R3HDM2: variants seen among roughly 807,000 people sequenced by gnomAD.
R3HDM2 encodes R3H domain-containing protein 2.
R3HDM2 carries 38 observed loss-of-function variants against 124.5 expected under a neutral mutation model. That is an observed-to-expected ratio of 0.31 (90% CI 0.24 to 0.40). The LOEUF (loss-of-function observed/expected upper bound fraction) is 0.40, where lower values mean the gene tolerates loss of function less well. Among genes scored for constraint, R3HDM2 ranks in the 10% least tolerant of loss-of-function variants. The probability of loss-of-function intolerance (pLI) is 1.00; values close to 1 mark genes in which losing one functional copy is unlikely to be tolerated. For missense variants in R3HDM2, 869 were observed against 1,236.9 expected (o/e 0.70, Z 4.46); for synonymous variants, 391 against 448.0 (o/e 0.87, Z 1.61).
chr12:57,274,285 C>T (rs1474738536), intron 14 of R3HDM2, among the ~76,000 whole-genome samples: 1 of 152,088 alleles, frequency 6.6e-6, no homozygotes, highest in Non-Finnish European at 1.5e-5. Flanking sequence ...ACCAGCCTGC[C>T]CAACACGGTG....
intron 2 of R3HDM2, among the ~76,000 whole-genome samples, chr12:57,316,668 C>G (rs1409505535): frequency 6.7e-6 from 1 of 149,848 alleles, no homozygotes; most frequent in Non-Finnish European, 1.5e-5. Flanking sequence ...TTACTGCAAC[C>G]TCCACCTCCC....
chr12:57,350,125 G>A (rs997850930), intron 2 of R3HDM2, among the ~76,000 whole-genome samples: 11 of 152,000 alleles, frequency 7.2e-5, no homozygotes, highest in African/African-American at 2.2e-4. Flanking sequence ...CAGGAGAATC[G>A]CTTGAACCCG....
intron 1 of R3HDM2, among the ~76,000 whole-genome samples, chr12:57,419,510 T>C (rs1377258968): frequency 6.6e-6 from 1 of 151,564 alleles, no homozygotes; most frequent in Non-Finnish European, 1.5e-5. Flanking sequence ...GGTGCAATCA[T>C]AGCTCACTGC....
At chr12:57,417,403 G>C (rs1040310231) in intron 1 of R3HDM2, among the ~76,000 whole-genome samples, 16 of 150,008 alleles carry the variant, frequency 1.1e-4, no homozygotes, top group African/African-American at 3.7e-4. Context: ...AAAAAAAAGA[G>C]AGAGACTTCC....
chr12:57,296,432 T>C lies in R3HDM2; in HGVS notation c.680A>G (p.Asn227Ser). 1 of 1,552,362 alleles carries C rather than the reference T, an allele frequency of 6.4e-7. No individual in the cohort carries two copies. Among genetic ancestry groups the C allele is most frequent in the Non-Finnish European group, 8.7e-7 (1 of 1,147,138 alleles). Residue 227 changes from asparagine to serine, a missense_variant, in exon 9 of 24, where the codon AAC becomes AGC. Around this residue, in one of 2 missense-constraint regions of R3HDM2, gnomAD observed 267 missense variants for 447.7 expected, o/e 0.60. Transcript: ENST00000402412. The surrounding 1 kb of genome is among the most constrained non-coding windows in gnomAD (Gnocchi z 4.5). ...TTACATTCTTGTGTTACTAGTTTTGTTGATGATGACAGCTTTCCCAGTTTG... is the reference window on the plus strand; with the variant it reads ...TTACATTCTTGTGTTACTAGTTTTGCTGATGATGACAGCTTTCCCAGTTTG... ...VDQTGKAVII[N>S]KTSNTRIPEQ...
At position 57,295,527 on chromosome 12, in the gene R3HDM2, G is replaced by A; in HGVS notation, c.702-20C>T. ...TCAGGGCTGAGATTTGGAGAGAAAT[G>A]TGAAAGGAAAGGAGGACAAAGACCG... On this transcript the variant is annotated intron_variant, in intron 9 of 23. Transcript: ENST00000402412. The A allele has an allele frequency of 6.5e-7, 1 of 1,528,346 alleles. No individual in the cohort carries two copies. 94.7% of individuals were successfully genotyped at this position (1,528,346 alleles called of 1,614,324 possible). A position where few individuals can be genotyped will look rare whatever the true frequency, so the allele number is the denominator to read the frequency against.
rs1268703322 is a variant in R3HDM2 at position 57,258,074 on chromosome 12, C to G, written c.2365G>C (p.Val789Leu). 1 of 1,601,646 alleles carries G rather than the reference C, an allele frequency of 6.2e-7. No homozygotes were observed. The highest frequency in any genetic ancestry group is 1.3e-5 in the African/African-American group (1 of 74,858). Residue 789 changes from valine (V) to leucine (L), a missense_variant, in exon 21 of 24, where the codon GTC becomes CTC. Physicochemically the swap from Val to Leu is conservative, Grantham distance 32 (BLOSUM62 1). Coordinates refer to ENST00000402412, the MANE Select transcript of R3HDM2 (RefSeq NM_001394031.1). ...GTGCAGACACTGCTGAGGCTGGTGA[C>G]AGGAGAGGGTGCTGGAGACTGGGTA... Reference protein sequence around the residue: ...SPTQSPAPSPVTSLSSVCTGL... With the variant: ...SPTQSPAPSPLTSLSSVCTGL...
At chr12:57,257,238 G>A (rs551996342) in intron 21 of R3HDM2, among the ~76,000 whole-genome samples, 55 of 152,268 alleles carry the variant, frequency 3.6e-4, no homozygotes, top group African/African-American at 1.3e-3. Flanking sequence ...CAGACTGCCT[G>A]GGTTAAAATA....
intron 2 of R3HDM2, among the ~76,000 whole-genome samples, chr12:57,393,319 G>A (rs1364853446): frequency 2.0e-5 from 3 of 151,874 alleles, no homozygotes; most frequent in Non-Finnish European, 4.4e-5. Context: ...GGCCAGACTG[G>A]TCTAGAACTC....
At position 57,382,286 on chromosome 12, in the gene R3HDM2, GT is replaced by G. The variant is rs72329934; in HGVS notation, c.-36+13462del. The stretch of plus-strand genomic sequence containing the variant: ...CACACCAACACATCTGGCTAATTTG[GT>G]TTTTTTTTTTTGTAAAGTTTCACTA... On this transcript the variant is annotated intron_variant, in intron 2 of 23. Coordinates refer to ENST00000402412, the MANE Select transcript of R3HDM2 (RefSeq NM_001394031.1). Among the ~76,000 whole-genome samples, 177 of 142,968 alleles carry G rather than the reference GT, an allele frequency of 1.2e-3. 1 individual carries two copies. The highest frequency in any genetic ancestry group is 4.0e-3 in the African/African-American group (156 of 38,954). 93.8% of individuals were successfully genotyped at this position (142,968 alleles called of 152,430 possible). A position where few individuals can be genotyped will look rare whatever the true frequency, so the allele number is the denominator to read the frequency against.
chr12:57,424,441 C>T (rs553908503), intron 1 of R3HDM2, among the ~76,000 whole-genome samples: 14 of 151,904 alleles, frequency 9.2e-5, no homozygotes, highest in African/African-American at 3.1e-4. Context: ...GAATTACAGG[C>T]GTGAGCCACC....
chr12:57,374,805 A>G (rs2063825900), intron 2 of R3HDM2, among the ~76,000 whole-genome samples: 2 of 151,156 alleles, frequency 1.3e-5, no homozygotes, highest in African/African-American at 4.9e-5. Context: ...CATCCTGGCT[A>G]ACACGGTGAA....
intron 2 of R3HDM2, among the ~76,000 whole-genome samples, chr12:57,313,165 C>G (rs769990286): frequency 3.3e-5 from 5 of 152,084 alleles, no homozygotes; most frequent in Non-Finnish European, 5.9e-5. Context: ...TACCCACCCC[C>G]ACAATGGGTA....
intron 1 of R3HDM2, among the ~76,000 whole-genome samples, chr12:57,429,549 C>G (rs1869103808): frequency 6.6e-6 from 1 of 152,030 alleles, no homozygotes; most frequent in South Asian, 2.1e-4. Context: ...AAGGTGAAAC[C>G]CGTCTCTACA....
At chr12:57,307,602 T>C (rs1431651649) in intron 3 of R3HDM2, among the ~76,000 whole-genome samples, 1 of 146,846 alleles carries the variant, frequency 6.8e-6, no homozygotes, top group Non-Finnish European at 1.5e-5. Context: ...ATTATAGGCA[T>C]GAGCCACTGC....
intron 2 of R3HDM2, among the ~76,000 whole-genome samples, chr12:57,346,217 G>A (rs1172105911): frequency 6.7e-6 from 1 of 150,262 alleles, no homozygotes; most frequent in African/African-American, 2.5e-5. Context: ...AGCACTTTGG[G>A]AGGCCGAAGC....
intron 1 of R3HDM2, chr12:57,418,134 C>G: frequency 3.0e-6 from 3 of 983,858 alleles, no homozygotes; most frequent in Non-Finnish European, 3.6e-6. Flanking sequence ...CCCAAACCTA[C>G]CCTTTTCTTA....
chr12:57,393,356 G>T (rs1465397995), intron 2 of R3HDM2, among the ~76,000 whole-genome samples: 4 of 152,132 alleles, frequency 2.6e-5, no homozygotes, highest in East Asian at 3.9e-4. Context: ...CACCTGCCTT[G>T]GCCTCCCAAG....
chr12:57,374,290 G>A (rs1488821064), intron 2 of R3HDM2, among the ~76,000 whole-genome samples: 2 of 152,052 alleles, frequency 1.3e-5, no homozygotes, highest in Non-Finnish European at 1.5e-5. Context: ...CTGTACTCCA[G>A]CCTGGGCAAT....
Sources: allele counts gnomAD v4.1 joint callset (sites outside exome capture counted in the v4.1 genomes callset), GRCh38; gene constraint gnomAD v4.1.1; regional missense constraint gnomAD v4.1.1; non-coding constraint Gnocchi (gnomAD v3.1); transcripts MANE v1.5; gene names NCBI Gene and HGNC (gene_info 2026-07-23, HGNC 2026-07-21).